Variants in EHMT2 observed in about 807,000 individuals in gnomAD.
The protein encoded by EHMT2 is euchromatic histone lysine methyltransferase 2, also known as histone-lysine N-methyltransferase EHMT2.
In EHMT2, 59 loss-of-function variants were observed where a neutral mutation model predicts 143.3. That is an observed-to-expected ratio of 0.41 (90% CI 0.33 to 0.51). EHMT2 has a LOEUF of 0.51. Among genes scored for constraint, EHMT2 ranks in the 20% least tolerant of loss-of-function variants. The pLI, the probability that EHMT2 is intolerant of heterozygous loss-of-function variation, is 0.18. For synonymous variants in EHMT2, 604 were observed against 651.5 expected (o/e 0.93, Z 1.11); for missense variants, 1,174 against 1,645.9 (o/e 0.71, Z 4.96).
exon 3 of EHMT2, chr6:31,896,736 A>C: frequency 6.2e-7 from 1 of 1,612,928 alleles, no homozygotes; most frequent in Non-Finnish European, 8.5e-7. Context: ...CAGAGGCTGG[A>C]GATGAGGGGC....
At chr6:31,887,010 G>C in exon 16 of EHMT2, 1 of 1,613,940 alleles carries the variant, frequency 6.2e-7, no homozygotes, top group East Asian at 2.2e-5. Context: ...GCAGCACATG[G>C]CAGATCTCCA....
At position 31,889,482 on chromosome 6, in the gene EHMT2, T is replaced by G. The variant is rs1291125142; in HGVS notation, c.985A>C (p.Asn329His). Residue 329 changes from asparagine to histidine, a missense_variant, in exon 8 of 28, where the codon AAT (asparagine) becomes CAT (histidine). Coordinates refer to ENST00000375537, the Ensembl canonical transcript of EHMT2. This position sits in a 1 kb window ranked among gnomAD's most constrained non-coding sequence, Gnocchi z 5.1. ...CCGTCTCTTACCCTATCTGACTGAT[T>G]CCCTGACTCCTCATCTTCCTCTTCT... 2 of 1,612,874 alleles carry G rather than the reference T, an allele frequency of 1.2e-6. No homozygotes were observed. Among genetic ancestry groups the G allele is most frequent in the Non-Finnish European group, 1.7e-6 (2 of 1,179,980 alleles).
At chr6:31,896,881 G>A (rs751201146) in intron 2 of EHMT2, 42 bp downstream of exon 2, 7 of 1,611,842 alleles carry the variant, frequency 4.3e-6, no homozygotes, top group African/African-American at 2.7e-5. Flanking sequence ...TGTGTTTAGG[G>A]AAGGTGACGG....
At position 31,897,633 on chromosome 6, in the gene EHMT2, C is replaced by T. The variant is rs1376537272; in HGVS notation, c.42+3G>A. The T allele has an allele frequency of 8.7e-7, 1 of 1,153,678 alleles. No individual in the cohort carries two copies. The highest frequency in any genetic ancestry group is 1.1e-6 in the Non-Finnish European group (1 of 937,882). 71.5% of individuals were successfully genotyped at this position (1,153,678 alleles called of 1,614,324 possible). A position where few individuals can be genotyped will look rare whatever the true frequency, so the allele number is the denominator to read the frequency against. ...ACCCGCCTCTCCCCCTCCCCTTCCG[C>T]ACCTCGGCGGCCGCCGCCGCTGCAG... On this transcript the variant is annotated splice_donor_region_variant and intron_variant, in intron 1 of 27. Transcript: ENST00000375537.
Position 31,884,378 on chromosome 6 carries a change from G to A in EHMT2, c.2771+14C>T. On this transcript the variant is annotated intron_variant, in intron 21 of 27. Coordinates refer to ENST00000375537, the Ensembl canonical transcript of EHMT2. The surrounding 1 kb of genome is among the most constrained non-coding windows in gnomAD (Gnocchi z 7.3). ...GGAGGTGGTCTTGGGTGCAGAGAGGGGCCCAGGGCTCACCGGCAGATGATC... is the reference window on the plus strand; with the variant it reads ...GGAGGTGGTCTTGGGTGCAGAGAGGAGCCCAGGGCTCACCGGCAGATGATC... 6.2e-7 allele frequency: 1 copy of A among 1,605,550 alleles called. No homozygotes were observed. The highest frequency in any genetic ancestry group is 2.2e-5 in the East Asian group (1 of 44,746).
At position 31,883,968 on chromosome 6, in the gene EHMT2, A is replaced by G. The variant is rs747419221; in HGVS notation, c.2772-18T>C. The G allele has an allele frequency of 1.1e-5, 18 of 1,611,730 alleles. No individual in the cohort carries two copies. The East Asian group carries it at 3.8e-4, about 34-fold the overall frequency. On this transcript the variant is annotated intron_variant, in intron 21 of 27. Transcript: ENST00000375537. The surrounding 1 kb of genome is among the most constrained non-coding windows in gnomAD (Gnocchi z 5.6). ...CCACGTCCCTGCAGAAGACGGGAAGAAGGGGCTGGGAAGCTGGAAAAGGGG... is the reference window on the plus strand; with the variant it reads ...CCACGTCCCTGCAGAAGACGGGAAGGAGGGGCTGGGAAGCTGGAAAAGGGG...
chr6:31,897,311 G>A, intron 1 of EHMT2: 3 of 602,534 alleles, frequency 5.0e-6, no homozygotes, highest in Non-Finnish European at 7.2e-6. Context: ...CCAGGCCGCG[G>A]GGACCCCGGG....
intron 18 of EHMT2, 37 bp downstream of exon 18, chr6:31,886,544 A>G: frequency 2.5e-6 from 4 of 1,584,618 alleles, no homozygotes; most frequent in African/African-American, 2.7e-5. Context: ...CCCAGGCACC[A>G]GGGACCCAGA....
intron 7 of EHMT2, among the ~76,000 whole-genome samples, chr6:31,890,094 C>A (rs1482955824): frequency 6.6e-6 from 1 of 152,164 alleles, no homozygotes; most frequent in Non-Finnish European, 1.5e-5. Flanking sequence ...ACTGTCAAGT[C>A]TTCTTGGCAC....
rs1198663986 is a variant in EHMT2, at chr6:31,896,256, C to A, written c.582+7G>T. 1 of 1,609,506 alleles carries A rather than the reference C, an allele frequency of 6.2e-7. No individual in the cohort carries two copies. The highest frequency in any genetic ancestry group is 2.2e-5 in the East Asian group (1 of 44,782). On this transcript the variant is annotated splice_region_variant and intron_variant, in intron 4 of 27. Transcript: ENST00000375537. ...GTTGATTATCCCATCTCTCCCATCC[C>A]ACTCACCTGTCCATTTCCTGGTTTG...
Position 31,880,507 on chromosome 6 carries a change from C to A in EHMT2, c.3452+166G>T, listed in dbSNP as rs889681906. 3.4e-6 allele frequency: 3 copies of A among 878,224 alleles called. No individual in the cohort carries two copies. Among genetic ancestry groups the A allele is most frequent in the South Asian group, 1.8e-5 (1 of 56,484 alleles). 54.4% of individuals were successfully genotyped at this position (878,224 alleles called of 1,614,324 possible). A position where few individuals can be genotyped will look rare whatever the true frequency, so the allele number is the denominator to read the frequency against. On this transcript the variant is annotated intron_variant, in intron 27 of 27. Coordinates refer to ENST00000375537, the Ensembl canonical transcript of EHMT2. This position sits in a 1 kb window ranked among gnomAD's most constrained non-coding sequence, Gnocchi z 6.6. ...TGATTCAAAATCTCTCTGGGAGGCA[C>A]AGGACTGTTTCCCCAAGTCCTCCAG...
chr6:31,886,925 A>G (rs765985688), intron 16 of EHMT2, 28 bp from the exon 17 acceptor site: 7 of 1,613,940 alleles, frequency 4.3e-6, no homozygotes, highest in Non-Finnish European at 5.9e-6. Flanking sequence ...GGCTGGCACC[A>G]GGGAGGCATG....
intron 7 of EHMT2, among the ~76,000 whole-genome samples, chr6:31,891,260 T>A (rs1765647188): frequency 6.6e-6 from 1 of 152,210 alleles, no homozygotes; most frequent in South Asian, 2.1e-4. Flanking sequence ...AAGACAAATG[T>A]TAATCAAATC....
At chr6:31,896,814 A>T in exon 3 of EHMT2, 1 of 1,612,938 alleles carries the variant, frequency 6.2e-7, no homozygotes, top group South Asian at 1.1e-5. Flanking sequence ...TGTCCCCCAA[A>T]GAGCCATGAA....
chr6:31,888,001 G>T lies in EHMT2; in HGVS notation c.1745+40C>A, dbSNP rs960242601. 15 of 1,569,856 alleles carry T rather than the reference G, an allele frequency of 9.6e-6. No individual in the cohort carries two copies. Among genetic ancestry groups the T allele is most frequent in the South Asian group, 3.5e-5 (3 of 85,140 alleles). Reference sequence around the variant, plus strand: ...GCTCATGTCCAGGAGCAATAGGGGTGGGGGAGGGAACAGACAGTACAGAAG... The same window carrying T: ...GCTCATGTCCAGGAGCAATAGGGGTTGGGGAGGGAACAGACAGTACAGAAG... On this transcript the variant is annotated intron_variant, in intron 13 of 27. Coordinates refer to ENST00000375537, the Ensembl canonical transcript of EHMT2. This position sits in a 1 kb window ranked among gnomAD's most constrained non-coding sequence, Gnocchi z 7.4.
rs540634925 is a variant in EHMT2, at chr6:31,888,571, C to T, written c.1365+28G>A. On this transcript the variant is annotated intron_variant, in intron 11 of 27. Coordinates refer to ENST00000375537, the Ensembl canonical transcript of EHMT2. This position sits in a 1 kb window ranked among gnomAD's most constrained non-coding sequence, Gnocchi z 7.4. ...TGGGGCCGGGGACTGGACGCCCTGG[C>T]ACCTCTCCCACCAGCCCACGGCCCC... 6.2e-6 allele frequency: 10 copies of T among 1,609,904 alleles called. No homozygotes were observed. The South Asian group carries it at 9.9e-5, about 16-fold the overall frequency.
Position 31,882,681 on chromosome 6 carries a change from G to A in EHMT2, c.3197+18C>T. ...TATCCCCTTCCCACCAGGTGTTAAG[G>A]TGCTCCCGGTGACTTACTCGCAGAT... On this transcript the variant is annotated intron_variant, in intron 25 of 27. Transcript: ENST00000375537. 6.2e-7 allele frequency: 1 copy of A among 1,608,602 alleles called. No homozygotes were observed. Among genetic ancestry groups the A allele is most frequent in the Non-Finnish European group, 8.5e-7 (1 of 1,177,848 alleles).
Position 31,889,657 on chromosome 6 carries a change from G to A in EHMT2, c.865-55C>T. ...ACCCCCAGGACTCAGACAATGAGGT[G>A]AGTAAAGAAAACCACCACCACCATT... is the stretch of plus-strand genomic sequence containing the variant. On this transcript the variant is annotated intron_variant, in intron 7 of 27. Coordinates refer to ENST00000375537, the Ensembl canonical transcript of EHMT2. This position sits in a 1 kb window ranked among gnomAD's most constrained non-coding sequence, Gnocchi z 5.1. 1.2e-6 allele frequency: 2 copies of A among 1,600,016 alleles called. No homozygotes were observed. The highest frequency in any genetic ancestry group is 8.5e-7 in the Non-Finnish European group (1 of 1,179,074).
Position 31,884,677 on chromosome 6 carries a change from G to A in EHMT2, c.2571C>T (p.Ile857=), listed in dbSNP as rs755132066. 4.4e-6 allele frequency: 7 copies of A among 1,582,496 alleles called. No homozygotes were observed. The highest frequency in any genetic ancestry group is 6.0e-6 in the Non-Finnish European group (7 of 1,160,834). Reference sequence around the variant, plus strand: ...AGTCATGGTAGCTCTCCCGAGCTGCGATGTGCAGGGGGGTGTCCCCATGGT... The same window carrying A: ...AGTCATGGTAGCTCTCCCGAGCTGCAATGTGCAGGGGGGTGTCCCCATGGT... The change falls in exon 20 of 28, where the codon ATC becomes ATT. Residue 857 remains isoleucine (I), a synonymous_variant. Transcript: ENST00000375537. This position sits in a 1 kb window ranked among gnomAD's most constrained non-coding sequence, Gnocchi z 7.3.
Sources: gnomAD v4.1 joint callset for allele counts (sites outside exome capture counted in the v4.1 genomes callset) on GRCh38, gnomAD v4.1.1 for gene constraint, Gnocchi (gnomAD v3.1) non-coding constraint, MANE v1.5 for transcripts, NCBI Gene and HGNC (gene_info 2026-07-23, HGNC 2026-07-21) for gene names.